The following TNFRSF8 variants were observed in gnomAD, a reference collection of about 807,000 sequenced individuals.
TNFRSF8 encodes the protein tumor necrosis factor receptor superfamily member 8.
TNFRSF8 carries 26 observed loss-of-function variants against 70.8 expected under a neutral mutation model. The observed-to-expected ratio is 0.37, with a 90% CI of 0.27 to 0.51. The LOEUF (loss-of-function observed/expected upper bound fraction) is 0.51. TNFRSF8 is among the 20% of genes least tolerant of loss of function. The pLI is 0.94. For synonymous variants in TNFRSF8, 356 were observed against 339.2 expected (o/e 1.05, Z -0.54); for missense variants, 720 against 807.9 (o/e 0.89, Z 1.32).
At chr1:12,111,829 A>G (rs1641637052) in intron 6 of TNFRSF8, 69 bp from the exon 7 acceptor site, 3 of 1,298,732 alleles carry the variant, frequency 2.3e-6, no homozygotes, top group Admixed American at 3.4e-5. Flanking sequence ...GGGGGGCTTC[A>G]GGGTTGGGTG....
intron 1 of TNFRSF8, among the ~76,000 whole-genome samples, chr1:12,066,449 G>T (rs555289338): frequency 1.3e-5 from 2 of 151,690 alleles, no homozygotes; most frequent in Non-Finnish European, 2.9e-5. Flanking sequence ...CCTCTCCCAG[G>T]TTCAAGTGAT....
At position 12,139,505 on chromosome 1, in the gene TNFRSF8, G is replaced by A. The variant is rs11569947; in HGVS notation, c.1543+1069G>A. 7.8e-3 allele frequency among the ~76,000 whole-genome samples: 1,180 copies of A among 152,218 alleles called. 10 individuals carry two copies. Among genetic ancestry groups the A allele is most frequent in the African/African-American group, 0.027 (1,132 of 41,518 alleles). ...CCATGCTATGCTCCCTAAGAACCCA[G>A]GCCTCCCCTACCCGGTGTCCTAGCA... On this transcript the variant is annotated intron_variant, in intron 14 of 14. Transcript: ENST00000263932.
Position 12,142,165 on chromosome 1 carries a change from C to G in TNFRSF8, c.1544-122C>G. 1 of 1,319,198 alleles carries G rather than the reference C, an allele frequency of 7.6e-7. No individual in the cohort carries two copies. Among genetic ancestry groups the G allele is most frequent in the South Asian group, 1.5e-5 (1 of 65,102 alleles). The allele number at this position is 1,319,198 out of a possible 1,614,324, so 81.7% of individuals were successfully genotyped here. ...TGTAAGGTACATCAGAGAGGCTGTG[C>G]CATCAGCCTGAAGCCACCCGGCAGG... On this transcript the variant is annotated intron_variant, in intron 14 of 14. Transcript: ENST00000263932. This position sits in a 1 kb window ranked among gnomAD's most constrained non-coding sequence, Gnocchi z 5.0.
At chr1:12,085,167 A>G (rs11569826) in intron 2 of TNFRSF8, among the ~76,000 whole-genome samples, 168 of 151,998 alleles carry the variant, frequency 1.1e-3, no homozygotes, top group African/African-American at 3.7e-3. Flanking sequence ...CTGGAGTGCA[A>G]TGGTGCAATC....
chr1:12,082,384 A>G (rs1470499368), intron 1 of TNFRSF8, among the ~76,000 whole-genome samples: 1 of 152,080 alleles, frequency 6.6e-6, no homozygotes, highest in African/African-American at 2.4e-5. Flanking sequence ...AGTCTCTACA[A>G]AAAAATAAAA....
At chr1:12,071,333 C>T (rs1041039909) in intron 1 of TNFRSF8, among the ~76,000 whole-genome samples, 4 of 151,896 alleles carry the variant, frequency 2.6e-5, no homozygotes, top group East Asian at 3.9e-4. Context: ...CAGCTACTCG[C>T]GAGGTTGAAG....
At chr1:12,069,132 A>G (rs569694707) in intron 1 of TNFRSF8, among the ~76,000 whole-genome samples, 1 of 142,958 alleles carries the variant, frequency 7.0e-6, no homozygotes, top group African/African-American at 2.6e-5. Context: ...CGGCCTTTCA[A>G]AGTGCTGGGA....
intron 1 of TNFRSF8, among the ~76,000 whole-genome samples, chr1:12,077,042 G>C (rs190204226): frequency 5.3e-5 from 8 of 152,194 alleles, no homozygotes; most frequent in Admixed American, 3.9e-4. Flanking sequence ...TCAGCCTCCC[G>C]AGTCGCTGGG....
chr1:12,063,319 C>T lies in TNFRSF8; in HGVS notation c.-280C>T, dbSNP rs138020226. The T allele has an allele frequency of 2.9e-3, 1,054 of 360,248 alleles. 13 individuals carry two copies. The highest frequency in any genetic ancestry group is 0.021 in the African/African-American group (987 of 47,642). The allele number at this position is 360,248 out of a possible 1,614,324, so 22.3% of individuals were successfully genotyped here. On this transcript the variant is annotated 5_prime_UTR_variant, in exon 1 of 15. The change creates a new upstream start codon in the 5' untranslated region. Coordinates refer to ENST00000263932, the MANE Select transcript of TNFRSF8 (RefSeq NM_001243.5). The surrounding 1 kb of genome is among the most constrained non-coding windows in gnomAD (Gnocchi z 7.2). ...TGCCTTTTCCTGAGTCATCTCTGCA[C>T]GTGTTTGCCCCCTTTTTTCTTCGCT...
intron 3 of TNFRSF8, among the ~76,000 whole-genome samples, chr1:12,100,273 AG>A (rs1641398889): frequency 6.6e-6 from 1 of 152,220 alleles, no homozygotes; most frequent in Non-Finnish European, 1.5e-5. Flanking sequence ...TGAGTCAATG[AG>A]TAAGTGGTGG....
intron 1 of TNFRSF8, chr1:12,080,644 A>C (rs1569993617): frequency 4.1e-6 from 1 of 242,560 alleles, no homozygotes; most frequent in South Asian, 4.4e-5. Flanking sequence ...TGCAGCCTCC[A>C]CCTCCCAGAT....
At chr1:12,086,611 G>C (rs1641157500) in intron 2 of TNFRSF8, among the ~76,000 whole-genome samples, 1 of 151,216 alleles carries the variant, frequency 6.6e-6, no homozygotes, top group Non-Finnish European at 1.5e-5. Flanking sequence ...TAGTTTGCTG[G>C]GGCTGCCATA....
At chr1:12,118,166 A>G (rs963114399) in intron 8 of TNFRSF8, among the ~76,000 whole-genome samples, 2 of 139,670 alleles carry the variant, frequency 1.4e-5, no homozygotes, top group Non-Finnish European at 3.0e-5. Context: ...GCTGGAGTGC[A>G]GTGGTATGGT....
In TNFRSF8 at chr1:12,111,428, C is replaced by T. The variant is rs577248996; in HGVS notation, c.677-470C>T. ...AACTCCTGGCCTCAAGTAATCCACCCGCCTCAGCCTCCCAAAGTGCTGGGA... is the reference window on the plus strand; with the variant it reads ...AACTCCTGGCCTCAAGTAATCCACCTGCCTCAGCCTCCCAAAGTGCTGGGA... On this transcript the variant is annotated intron_variant, in intron 6 of 14. Transcript: ENST00000263932. 9.9e-5 allele frequency among the ~76,000 whole-genome samples: 15 copies of T among 152,166 alleles called. No individual in the cohort carries two copies. The East Asian group carries it at 1.5e-3, about 16-fold the overall frequency.
intron 7 of TNFRSF8, 52 bp from the exon 8 acceptor site, chr1:12,115,525 C>G: frequency 6.2e-7 from 1 of 1,609,704 alleles, no homozygotes. Context: ...CTCTGGACCC[C>G]CTGCCCTTGC....
rs950695133 is a variant in TNFRSF8, at chr1:12,088,497, G to T, written c.151+3946G>T. 4.6e-5 allele frequency among the ~76,000 whole-genome samples: 7 copies of T among 152,108 alleles called. No homozygotes were observed. The highest frequency in any genetic ancestry group is 8.8e-5 in the Non-Finnish European group (6 of 68,024). On this transcript the variant is annotated intron_variant, in intron 2 of 14. Coordinates refer to ENST00000263932, the MANE Select transcript of TNFRSF8 (RefSeq NM_001243.5). This position sits in a 1 kb window ranked among gnomAD's most constrained non-coding sequence, Gnocchi z 4.0. ...ACTGTAGTTGATACTGACCCTCAAG[G>T]CCTCGAATTTGGGAGGCAGAAGAGT...
chr1:12,133,688 C>T lies in TNFRSF8; in HGVS notation c.1310-1900C>T, dbSNP rs55764166. On this transcript the variant is annotated intron_variant, in intron 12 of 14. Coordinates refer to ENST00000263932, the MANE Select transcript of TNFRSF8 (RefSeq NM_001243.5). ...CCAGGAGGCGGAGGTTGCAGTGAGC[C>T]GAGATCGCGCTGCTGCACTTCACCC... is the stretch of plus-strand genomic sequence containing the variant. Among the ~76,000 whole-genome samples, 418 of 143,388 alleles carry T rather than the reference C, an allele frequency of 2.9e-3. 2 individuals are homozygous for T. The highest frequency in any genetic ancestry group is 0.01 in the African/African-American group (390 of 38,032). 94.1% of individuals were successfully genotyped at this position (143,388 alleles called of 152,430 possible). A position where few individuals can be genotyped will look rare whatever the true frequency, so the allele number is the denominator to read the frequency against.
At chr1:12,074,154 G>T (rs1640895805) in intron 1 of TNFRSF8, among the ~76,000 whole-genome samples, 1 of 151,872 alleles carries the variant, frequency 6.6e-6, no homozygotes, top group Non-Finnish European at 1.5e-5. Context: ...CGGACTCAAG[G>T]CGTGATCTTG....
chr1:12,091,502 G>A (rs915644182), intron 2 of TNFRSF8, among the ~76,000 whole-genome samples: 1 of 152,126 alleles, frequency 6.6e-6, no homozygotes, highest in African/African-American at 2.4e-5. Context: ...CACCCTGGCA[G>A]AGCAGGCTCT....
Sources: allele counts gnomAD v4.1 joint callset (sites outside exome capture counted in the v4.1 genomes callset), GRCh38; gene constraint gnomAD v4.1.1; non-coding constraint Gnocchi (gnomAD v3.1); transcripts MANE v1.5; gene names NCBI Gene and HGNC (gene_info 2026-07-23, HGNC 2026-07-21).